The following MYH9 variants were observed in gnomAD, a reference collection of about 807,000 sequenced individuals.
MYH9 encodes myosin-9.
Under a neutral mutation model 241.9 loss-of-function variants are expected in MYH9, and 29 were observed. That is an observed-to-expected ratio of 0.12 (90% CI 0.09 to 0.16). The LOEUF (loss-of-function observed/expected upper bound fraction) is 0.16, where lower values mean the gene tolerates loss of function less well. MYH9 is among the 10% of genes least tolerant of loss of function. MYH9 has a pLI of 1.00. For synonymous variants in MYH9, 1,047 were observed against 1,062.6 expected (o/e 0.99, Z 0.29); for missense variants, 1,803 against 2,595.5 (o/e 0.69, Z 6.63).
intron 1 of MYH9, among the ~76,000 whole-genome samples, chr22:36,382,504 T>C (rs1386013038): frequency 6.8e-6 from 1 of 148,108 alleles, no homozygotes; most frequent in African/African-American, 2.5e-5. Flanking sequence ...GCCTAGGAAA[T>C]TAAAATTACT....
intron 3 of MYH9, among the ~76,000 whole-genome samples, chr22:36,338,330 C>T (rs1469972358): frequency 2.0e-5 from 3 of 151,990 alleles, no homozygotes; most frequent in African/African-American, 4.8e-5. Context: ...TAGAGACGTC[C>T]TTCGTCAGTC....
In MYH9 at chr22:36,285,321, C is replaced by T. The variant is rs1375363613; in HGVS notation, c.5283G>A (p.Gln1761=). The change falls in exon 38 of 41, where the codon CAG becomes CAA. Residue 1761 remains glutamine (Q), a synonymous_variant. Transcript: ENST00000216181. The surrounding 1 kb of genome is among the most constrained non-coding windows in gnomAD (Gnocchi z 7.0). Reference sequence around the variant, plus strand: ...GCTCCAGGTTCAGGTCGGTGTTGATCTGGTCGATCTGCAGAAGAAGGGCCA... The same window carrying T: ...GCTCCAGGTTCAGGTCGGTGTTGATTTGGTCGATCTGCAGAAGAAGGGCCA... ...RLKKANLQID[Q]INTDLNLERS... 1 of 1,609,242 alleles carries T rather than the reference C, an allele frequency of 6.2e-7. No individual in the cohort carries two copies. Among genetic ancestry groups the T allele is most frequent in the Non-Finnish European group, 8.5e-7 (1 of 1,180,022 alleles).
chr22:36,319,147 A>T (rs1038880023), intron 10 of MYH9, among the ~76,000 whole-genome samples: 2 of 152,194 alleles, frequency 1.3e-5, no homozygotes, highest in African/African-American at 4.8e-5. Context: ...AATAACTTGC[A>T]TGGGGTCATT....
intron 24 of MYH9, chr22:36,297,315 T>A (rs1418115871): frequency 2.4e-6 from 1 of 411,910 alleles, no homozygotes; most frequent in Admixed American, 4.2e-5. Flanking sequence ...CATGTCTGTA[T>A]CTCTAAAAAA....
Position 36,294,076 on chromosome 22 carries a change from C to A in MYH9, c.3837+16G>T. 6.2e-7 allele frequency: 1 copy of A among 1,606,468 alleles called. No individual in the cohort carries two copies. Among genetic ancestry groups the A allele is most frequent in the Non-Finnish European group, 8.5e-7 (1 of 1,179,982 alleles). Reference sequence around the variant, plus strand: ...AGGGCCCACTGCCCGCGCCAGGGTCCTGGCGGAGGCCTCACCTGCAGCTTG... The same window carrying A: ...AGGGCCCACTGCCCGCGCCAGGGTCATGGCGGAGGCCTCACCTGCAGCTTG... On this transcript the variant is annotated intron_variant, in intron 28 of 40. Coordinates refer to ENST00000216181, the MANE Select transcript of MYH9 (RefSeq NM_002473.6).
chr22:36,377,594 T>G (rs565436548), intron 1 of MYH9, among the ~76,000 whole-genome samples: 21 of 152,236 alleles, frequency 1.4e-4, no homozygotes, highest in African/African-American at 5.1e-4. Flanking sequence ...GACAGGCTTG[T>G]TGGATAAATA....
Position 36,304,128 on chromosome 22 carries a change from G to A in MYH9, c.2257C>T (p.Leu753=). The A allele has an allele frequency of 6.2e-7, 1 of 1,613,638 alleles. No homozygotes were observed. The highest frequency in any genetic ancestry group is 8.5e-7 in the Non-Finnish European group (1 of 1,180,034). Reference sequence around the variant, plus strand: ...ACTTTGCTCTGGCCAATGCGGTACAGATTGCTGTCGAGCTCCAGGGCTTTT... The same window carrying A: ...ACTTTGCTCTGGCCAATGCGGTACAAATTGCTGTCGAGCTCCAGGGCTTTT... ...MIKALELDSN[L]YRIGQSKVFF... The change falls in exon 19 of 41, where the codon CTG becomes TTG. Residue 753 remains leucine (L), a synonymous_variant. Transcript: ENST00000216181.
chr22:36,383,302 A>C (rs1281998112), intron 1 of MYH9, among the ~76,000 whole-genome samples: 1 of 152,188 alleles, frequency 6.6e-6, no homozygotes, highest in East Asian at 1.9e-4. Flanking sequence ...CAGTCACCCA[A>C]GTCCAGTGCT....
Position 36,285,838 on chromosome 22 carries a change from C to G in MYH9, c.5150+27G>C. On this transcript the variant is annotated intron_variant, in intron 36 of 40. Coordinates refer to ENST00000216181, the MANE Select transcript of MYH9 (RefSeq NM_002473.6). This position sits in a 1 kb window ranked among gnomAD's most constrained non-coding sequence, Gnocchi z 7.0. ...ACCCTGGGGACACACCTGGTCCCCC[C>G]CAACTCTGCCCCCTCACTCAGCTCA... 6.2e-7 allele frequency: 1 copy of G among 1,613,716 alleles called. No individual in the cohort carries two copies.
Position 36,305,405 on chromosome 22 carries a change from C to T in MYH9, c.2160-303G>A, listed in dbSNP as rs553253799. On this transcript the variant is annotated intron_variant, in intron 17 of 40. Transcript: ENST00000216181. The surrounding 1 kb of genome is among the most constrained non-coding windows in gnomAD (Gnocchi z 4.7). The stretch of plus-strand genomic sequence containing the variant: ...AATTGCCTGAGATCCTCATCTGTCA[C>T]CCAGGGACAGCCATGTTCACACAGC... Among the ~76,000 whole-genome samples, 12 of 152,302 alleles carry T rather than the reference C, an allele frequency of 7.9e-5. No homozygotes were observed. The South Asian group carries it at 2.5e-3, about 32-fold the overall frequency.
chr22:36,322,545 T>G, intron 5 of MYH9, 24 bp from the exon 6 acceptor site: 1 of 1,612,400 alleles, frequency 6.2e-7, no homozygotes, highest in South Asian at 1.1e-5. Flanking sequence ...AGGGACGCAG[T>G]GAAGGCCGGG....
intron 27 of MYH9, among the ~76,000 whole-genome samples, chr22:36,294,631 A>G (rs1369505789): frequency 6.6e-6 from 1 of 152,250 alleles, no homozygotes; most frequent in East Asian, 1.9e-4. Context: ...TTGTAACGCA[A>G]TAAGGGGAAC....
At chr22:36,375,403 A>AAT (rs2018150478) in intron 1 of MYH9, among the ~76,000 whole-genome samples, 1 of 152,248 alleles carries the variant, frequency 6.6e-6, no homozygotes, top group Non-Finnish European at 1.5e-5. Context: ...CCAAGGCATC[A>AAT]ATGCTGACCT....
intron 5 of MYH9, among the ~76,000 whole-genome samples, chr22:36,323,300 G>A (rs1162252766): frequency 6.6e-6 from 1 of 152,244 alleles, no homozygotes; most frequent in Non-Finnish European, 1.5e-5. Flanking sequence ...CTATCAATCC[G>A]CAGAGCGGGG....
chr22:36,344,075 C>T lies in MYH9; in HGVS notation c.334-2549G>A, dbSNP rs577653378. On this transcript the variant is annotated intron_variant, in intron 2 of 40. Transcript: ENST00000216181. ...GCACATGGTCCTATGGAGTGGTCTA[C>T]GGGAGCTCAAAGTTCTCTGGGCTAA... Among the ~76,000 whole-genome samples, 22 of 152,328 alleles carry T rather than the reference C, an allele frequency of 1.4e-4. No individual in the cohort carries two copies. The South Asian group carries it at 4.1e-3, about 29-fold the overall frequency.
intron 20 of MYH9, 110 bp downstream of exon 20, chr22:36,302,458 G>A: frequency 1.0e-6 from 1 of 958,060 alleles, no homozygotes; most frequent in South Asian, 1.3e-5. Flanking sequence ...GACCAACCTG[G>A]GCGACATGGT....
At chr22:36,312,334 C>A in intron 13 of MYH9, 112 bp from the exon 14 acceptor site, 1 of 1,070,882 alleles carries the variant, frequency 9.3e-7, no homozygotes. Flanking sequence ...AGACGGTGGG[C>A]GACACACTCC....
intron 3 of MYH9, among the ~76,000 whole-genome samples, chr22:36,339,598 G>A (rs536365629): frequency 2.6e-5 from 4 of 152,306 alleles, no homozygotes; most frequent in East Asian, 3.9e-4. Flanking sequence ...ACAGCACAGC[G>A]TGGGTGGTGG....
intron 7 of MYH9, among the ~76,000 whole-genome samples, chr22:36,321,116 C>T (rs2017244270): frequency 6.6e-6 from 1 of 152,132 alleles, no homozygotes; most frequent in Non-Finnish European, 1.5e-5. Flanking sequence ...CCACACCCAG[C>T]TAATTTTTAG....
Sources: allele counts gnomAD v4.1 joint callset (sites outside exome capture counted in the v4.1 genomes callset), GRCh38; gene constraint gnomAD v4.1.1; non-coding constraint Gnocchi (gnomAD v3.1); transcripts MANE v1.5; gene names NCBI Gene and HGNC (gene_info 2026-07-23, HGNC 2026-07-21).